GYS2: variants seen among roughly 807,000 people sequenced by gnomAD.
GYS2 encodes the protein glycogen synthase 2.
Under a neutral mutation model 85.6 loss-of-function variants are expected in GYS2, and 80 were observed. That is an observed-to-expected ratio of 0.93 (90% CI 0.78 to 1.13). GYS2 has a LOEUF of 1.13. Ranked by LOEUF, GYS2 falls within the 50% of genes most tolerant of loss-of-function variation. GYS2 has a pLI of 0.00. For missense variants in GYS2, 881 were observed against 854.9 expected, an observed-to-expected ratio of 1.03 and a Z score of -0.38; for synonymous variants, 328 against 300.7, an observed-to-expected ratio of 1.09 and a Z score of -0.94.
At chr12:21,535,150 T>C (rs1422963704), downstream of GYS2, 1 of 152,228 alleles carries the variant, frequency 6.6e-6, no homozygotes, top group Non-Finnish European at 1.5e-5. Flanking sequence ...GCCCTATCAT[T>C]TGTACACACT....
At position 21,580,430 on chromosome 12, in the gene GYS2, T is replaced by C. The variant is rs574787003; in HGVS notation, c.215A>G (p.His72Arg). 4.9e-5 allele frequency: 79 copies of C among 1,613,726 alleles called. 1 individual carries two copies. In the South Asian group the frequency reaches 7.9e-4, roughly 16 times the overall value. Residue 72 changes from histidine to arginine, a missense_variant, in exon 2 of 16, where the codon CAT (histidine) becomes CGT (arginine). Physicochemically the swap from His to Arg is conservative, Grantham distance 29. Coordinates refer to ENST00000261195, the MANE Select transcript of GYS2 (RefSeq NM_021957.4). ...CTGTTCCACCTGAGTCTTCATATTATGCTCAAAATATGGACCTATCAGAAA... is the reference window on the plus strand; with the variant it reads ...CTGTTCCACCTGAGTCTTCATATTACGCTCAAAATATGGACCTATCAGAAA... Reference protein sequence around the residue: ...NYFLIGPYFEHNMKTQVEQCE... With the variant: ...NYFLIGPYFERNMKTQVEQCE...
chr12:21,578,065 T>C (rs1045023531), intron 2 of GYS2, among the ~76,000 whole-genome samples: 3 of 152,194 alleles, frequency 2.0e-5, no homozygotes, highest in Non-Finnish European at 4.4e-5. Context: ...CCTTGTCAAA[T>C]CCCAAATGAT....
Position 21,536,804 on chromosome 12 carries a change from C to A in GYS2, c.*150G>T, listed in dbSNP as rs1943915101. The A allele has an allele frequency of 1.5e-6, 1 of 650,054 alleles. No homozygotes were observed. The allele number at this position is 650,054 out of a possible 1,614,324, so 40.3% of individuals were successfully genotyped here. A position where few individuals can be genotyped will look rare whatever the true frequency, so the allele number is the denominator to read the frequency against. On this transcript the variant is annotated 3_prime_UTR_variant, in exon 16 of 16. Coordinates refer to ENST00000261195, the MANE Select transcript of GYS2 (RefSeq NM_021957.4). ...ATCTTATCCTAAATTACAAAATTGT[C>A]ATTCACTCAATTTCTTCCACTTTTT...
Position 21,536,968 on chromosome 12 carries a change from C to T in GYS2, c.2098G>A (p.Glu700Lys). The change falls in exon 16 of 16, where the codon GAA (glutamate) becomes AAA (lysine). Residue 700 changes from glutamate (E) to lysine (K), a missense_variant. By Grantham distance (56) the Glu-to-Lys change is moderately conservative. Coordinates refer to ENST00000261195, the MANE Select transcript of GYS2 (RefSeq NM_021957.4). ...ACATGTAGAATTCAGTTCTTATATT[C>T]ACCATGCAGCTTTTTCTTCCCATGA... Reference protein sequence around the residue: ...VPHGKKKLHGEYKN With the variant: ...VPHGKKKLHGKYKN The T allele has an allele frequency of 2.5e-6, 4 of 1,611,282 alleles. No homozygotes were observed. The highest frequency in any genetic ancestry group is 2.5e-6 in the Non-Finnish European group (3 of 1,177,496).
intron 12 of GYS2, among the ~76,000 whole-genome samples, chr12:21,543,282 C>T (rs1251164132): frequency 6.6e-6 from 1 of 152,072 alleles, no homozygotes; most frequent in African/African-American, 2.4e-5. Context: ...TTCCCATTAC[C>T]CATGAAGTAA....
chr12:21,572,638 A>G (rs954189451), intron 4 of GYS2, among the ~76,000 whole-genome samples: 13 of 152,118 alleles, frequency 8.5e-5, no homozygotes, highest in Admixed American at 7.9e-4. Flanking sequence ...AAGTATCTCA[A>G]CCAGTGAAGG....
Position 21,536,921 on chromosome 12 carries a change from T to A in GYS2, c.*33A>T. ...AAATAATTAGTCTTACTTTGCTTTT[T>A]TAAATTAGCTCTTCATGCAGCACAT... On this transcript the variant is annotated 3_prime_UTR_variant, in exon 16 of 16. Coordinates refer to ENST00000261195, the MANE Select transcript of GYS2 (RefSeq NM_021957.4). 6.8e-7 allele frequency: 1 copy of A among 1,477,224 alleles called. No homozygotes were observed. The highest frequency in any genetic ancestry group is 9.5e-7 in the Non-Finnish European group (1 of 1,056,080). 91.5% of individuals were successfully genotyped at this position (1,477,224 alleles called of 1,614,324 possible). A position where few individuals can be genotyped will look rare whatever the true frequency, so the allele number is the denominator to read the frequency against.
chr12:21,570,587 T>G (rs1434498030), intron 4 of GYS2, among the ~76,000 whole-genome samples: 1 of 152,246 alleles, frequency 6.6e-6, no homozygotes, highest in East Asian at 1.9e-4. Flanking sequence ...GATATGAAAG[T>G]TTAATTCTGG....
intron 4 of GYS2, among the ~76,000 whole-genome samples, chr12:21,572,495 C>G (rs1441306613): frequency 1.3e-5 from 2 of 152,054 alleles, no homozygotes; most frequent in African/African-American, 4.8e-5. Flanking sequence ...TTAGTGTGAG[C>G]ATGGGGGCTT....
At chr12:21,599,238 T>C (rs1230854624) in intron 1 of GYS2, among the ~76,000 whole-genome samples, 3 of 152,142 alleles carry the variant, frequency 2.0e-5, no homozygotes, top group African/African-American at 7.2e-5. Context: ...TGGCTACTAA[T>C]CTCACCCTCC....
At chr12:21,545,824 G>A (rs1944031625) in intron 12 of GYS2, among the ~76,000 whole-genome samples, 1 of 152,156 alleles carries the variant, frequency 6.6e-6, no homozygotes, top group South Asian at 2.1e-4. Flanking sequence ...GCACAAGAAT[G>A]TGAAGAAGAC....
At chr12:21,585,475 C>A (rs1480250647) in intron 1 of GYS2, among the ~76,000 whole-genome samples, 4 of 150,546 alleles carry the variant, frequency 2.7e-5, no homozygotes, top group African/African-American at 9.8e-5. Context: ...TTAGTTTTAC[C>A]ATGTCCTGGA....
chr12:21,590,454 C>T (rs757130036), intron 1 of GYS2, among the ~76,000 whole-genome samples: 3 of 152,234 alleles, frequency 2.0e-5, no homozygotes, highest in Non-Finnish European at 4.4e-5. Context: ...ACAACTGGCA[C>T]CTCCTGCATG....
chr12:21,595,709 A>G (rs1306571198), intron 1 of GYS2, among the ~76,000 whole-genome samples: 1 of 152,240 alleles, frequency 6.6e-6, no homozygotes, highest in African/African-American at 2.4e-5. Flanking sequence ...GGGACATTAT[A>G]TAATGGTAAA....
intron 4 of GYS2, 136 bp from the exon 5 acceptor site, chr12:21,569,145 C>T: frequency 2.5e-6 from 2 of 803,794 alleles, no homozygotes; most frequent in South Asian, 2.9e-5. Flanking sequence ...GTAATAAAAA[C>T]TTGAATTAAA....
chr12:21,561,141 T>C (rs1278600167), intron 7 of GYS2, among the ~76,000 whole-genome samples: 2 of 152,174 alleles, frequency 1.3e-5, no homozygotes, highest in African/African-American at 4.8e-5. Flanking sequence ...CTAATAATCA[T>C]GTACAATAGG....
rs562908508 is a variant in GYS2 at position 21,536,323 on chromosome 12, C to T, written c.*631G>A. The stretch of plus-strand genomic sequence containing the variant: ...TACAGTAAGATGGTGGTACCATGTA[C>T]ATGGTAATATCTTGCATTAATTACA... On this transcript the variant is annotated 3_prime_UTR_variant, in exon 16 of 16. Transcript: ENST00000261195. The T allele has an allele frequency of 2.6e-5, 4 of 152,384 alleles. No individual in the cohort carries two copies. The South Asian group carries it at 6.2e-4, about 24-fold the overall frequency. 9.4% of individuals were successfully genotyped at this position (152,384 alleles called of 1,614,324 possible). A position where few individuals can be genotyped will look rare whatever the true frequency, so the allele number is the denominator to read the frequency against.
chr12:21,560,457 GAAAAACACCATC>G lies in GYS2; in HGVS notation c.1086_1097del (p.Met363_Phe366del). The G allele has an allele frequency of 6.2e-7, 1 of 1,601,268 alleles. No individual in the cohort carries two copies. On this transcript the variant is annotated inframe_deletion, in exon 8 of 16. Coordinates refer to ENST00000261195, the MANE Select transcript of GYS2 (RefSeq NM_021957.4). The stretch of plus-strand genomic sequence containing the variant: ...AATTATTTGTCTTGGCAGGCATAAT[GAAAAACACCATC>G]ACTGTGATGTCACTTTTATGCATCT...
intron 1 of GYS2, among the ~76,000 whole-genome samples, chr12:21,586,046 A>T (rs1191862530): frequency 6.6e-6 from 1 of 152,110 alleles, no homozygotes; most frequent in African/African-American, 2.4e-5. Context: ...GATTGGATTG[A>T]AGTGTGCAAA....
Sources: allele counts gnomAD v4.1 joint callset (sites outside exome capture counted in the v4.1 genomes callset), GRCh38; gene constraint gnomAD v4.1.1; transcripts MANE v1.5; gene names NCBI Gene and HGNC (gene_info 2026-07-23, HGNC 2026-07-21).